The following ADPRHL1 variants were observed in gnomAD, a reference collection of about 807,000 sequenced individuals.
ADPRHL1 encodes inactive ADP-ribosyltransferase ARH2.
A neutral mutation model predicts 44.1 loss-of-function variants in ADPRHL1; 43 were observed. The observed-to-expected ratio is 0.98, with a 90% confidence interval of 0.76 to 1.26. The LOEUF (loss-of-function observed/expected upper bound fraction) is 1.26, where lower values mean the gene tolerates loss of function less well. ADPRHL1 is among the 50% of genes most tolerant of loss of function. ADPRHL1 has a pLI of 0.00. For synonymous variants in ADPRHL1, 878 were observed against 1,017.4 expected, an observed-to-expected ratio of 0.86 and a Z score of 2.61; for missense variants, 2,022 against 2,496.9, an observed-to-expected ratio of 0.81 and a Z score of 4.05.
At position 113,403,237 on chromosome 13, in the gene ADPRHL1, T is replaced by C. The variant is rs2043775924; in HGVS notation, c.*141A>G. 1.4e-6 allele frequency: 1 copy of C among 738,974 alleles called. No homozygotes were observed. Among genetic ancestry groups the C allele is most frequent in the African/African-American group, 1.8e-5 (1 of 54,586 alleles). The allele number at this position is 738,974 out of a possible 1,614,324, so 45.8% of individuals were successfully genotyped here. A position where few individuals can be genotyped will look rare whatever the true frequency, so the allele number is the denominator to read the frequency against. ...GCTCAATCCTCCCAAGGTCAGCTTG[T>C]GAAGAAGGGAAAGAAAATTATGGAA... On this transcript the variant is annotated 3_prime_UTR_variant, in exon 8 of 8. Coordinates refer to ENST00000612156, the MANE Select transcript of ADPRHL1 (RefSeq NM_001394807.1).
At position 113,405,646 on chromosome 13, in the gene ADPRHL1, C is replaced by T. The variant is rs77999287; in HGVS notation, c.3636G>A (p.Pro1212=). The T allele has an allele frequency of 7.2e-4, 888 of 1,232,672 alleles. 8 individuals carry two copies. In the African/African-American group the frequency reaches 0.012, roughly 17 times the overall value. 76.4% of individuals were successfully genotyped at this position (1,232,672 alleles called of 1,614,324 possible). The part of the protein sequence containing the change: ...PEDIATLARH[P]EDAAALARHP... ...GCCGGGCGAGGGCCGCAGCATCCTCCGGGTGGCGGGCGAGGGTCGCAATGT... is the reference window on the plus strand; with the variant it reads ...GCCGGGCGAGGGCCGCAGCATCCTCTGGGTGGCGGGCGAGGGTCGCAATGT... Residue 1212 remains proline (P), a synonymous_variant, in exon 8 of 8, where the codon CCG becomes CCA. Coordinates refer to ENST00000612156, the MANE Select transcript of ADPRHL1 (RefSeq NM_001394807.1).
intron 1 of ADPRHL1, among the ~76,000 whole-genome samples, chr13:113,451,797 GA>G (rs1379104325): frequency 6.7e-6 from 1 of 149,650 alleles, no homozygotes; most frequent in Non-Finnish European, 1.5e-5. Flanking sequence ...GATGGAGAAA[GA>G]CTCCGTCTCA....
At chr13:113,415,057 G>C (rs2043880287) in intron 7 of ADPRHL1, among the ~76,000 whole-genome samples, 1 of 152,178 alleles carries the variant, frequency 6.6e-6, no homozygotes. Context: ...CACCTCCCTA[G>C]GTAGCCAGCG....
rs577324011 is a variant in ADPRHL1, at chr13:113,428,828, C to T, written c.646+124G>A. 67 of 1,449,858 alleles carry T rather than the reference C, an allele frequency of 4.6e-5. No individual in the cohort carries two copies. The African/African-American group carries it at 5.5e-4, about 12-fold the overall frequency. The allele number at this position is 1,449,858 out of a possible 1,614,324, so 89.8% of individuals were successfully genotyped here. A position where few individuals can be genotyped will look rare whatever the true frequency, so the allele number is the denominator to read the frequency against. ...CGAGGCCAGCTCTGCTCACATGGCC[C>T]GGACAGGGCCCTCCCAGTTCCATCT... On this transcript the variant is annotated intron_variant, in intron 4 of 7. Transcript: ENST00000612156.
At chr13:113,410,890 T>C (rs2043847806) in intron 7 of ADPRHL1, among the ~76,000 whole-genome samples, 2 of 152,190 alleles carry the variant, frequency 1.3e-5, no homozygotes. Context: ...ACACGTCCCC[T>C]CTGCTATGAC....
chr13:113,426,096 T>G (rs945421812), intron 4 of ADPRHL1, among the ~76,000 whole-genome samples: 16 of 149,652 alleles, frequency 1.1e-4, no homozygotes, highest in African/African-American at 3.7e-4. Context: ...TCATTACTCC[T>G]AACTGAAATC....
Position 113,447,857 on chromosome 13 carries a change from C to G in ADPRHL1, c.215-3268G>C, listed in dbSNP as rs550454871. 2.0e-5 allele frequency among the ~76,000 whole-genome samples: 3 copies of G among 152,236 alleles called. No individual in the cohort carries two copies. The South Asian group carries it at 6.2e-4, about 32-fold the overall frequency. On this transcript the variant is annotated intron_variant, in intron 1 of 7. Coordinates refer to ENST00000612156, the MANE Select transcript of ADPRHL1 (RefSeq NM_001394807.1). Reference sequence around the variant, plus strand: ...GGCTGTGTCTAAACCCAGTGTGTGCCCCTCACAGTCACCGGCACAGTGGAT... The same window carrying G: ...GGCTGTGTCTAAACCCAGTGTGTGCGCCTCACAGTCACCGGCACAGTGGAT...
At position 113,436,886 on chromosome 13, in the gene ADPRHL1, T is replaced by C. The variant is rs7329534; in HGVS notation, c.380-3019A>G. 9.1e-4 allele frequency among the ~76,000 whole-genome samples: 121 copies of C among 132,488 alleles called. 4 individuals are homozygous for C. The highest frequency in any genetic ancestry group is 3.4e-3 in the African/African-American group (112 of 33,142). 86.9% of individuals were successfully genotyped at this position (132,488 alleles called of 152,430 possible). A position where few individuals can be genotyped will look rare whatever the true frequency, so the allele number is the denominator to read the frequency against. On this transcript the variant is annotated intron_variant, in intron 2 of 7. Coordinates refer to ENST00000612156, the MANE Select transcript of ADPRHL1 (RefSeq NM_001394807.1). ...CCGGCACCCAGGTGTAGAGTGAACA[T>C]AGGTGTACCCTGTGACCCAGCACCC... is the stretch of plus-strand genomic sequence containing the variant.
Position 113,408,352 on chromosome 13 carries a change from G to A in ADPRHL1, c.1062-132C>T, listed in dbSNP as rs1438027444. On this transcript the variant is annotated intron_variant, in intron 7 of 7. Coordinates refer to ENST00000612156, the MANE Select transcript of ADPRHL1 (RefSeq NM_001394807.1). ...GTCTGGTAGGGAGAAAAAGAGATTA[G>A]GAGCCAGGAGCTGTGGCTTCTGGGC... 3 of 949,488 alleles carry A rather than the reference G, an allele frequency of 3.2e-6. No individual in the cohort carries two copies. In the African/African-American group the frequency reaches 5.1e-5, roughly 16 times the overall value. 58.8% of individuals were successfully genotyped at this position (949,488 alleles called of 1,614,324 possible).
chr13:113,427,637 C>T (rs988250106), intron 4 of ADPRHL1, among the ~76,000 whole-genome samples: 8 of 152,108 alleles, frequency 5.3e-5, no homozygotes, highest in East Asian at 3.9e-4. Context: ...CATCTCCCAC[C>T]GCTCCCACAC....
chr13:113,427,756 C>T (rs1394036671), intron 4 of ADPRHL1, among the ~76,000 whole-genome samples: 1 of 152,234 alleles, frequency 6.6e-6, no homozygotes, highest in Non-Finnish European at 1.5e-5. Context: ...GAGCACAGAG[C>T]AGTGGCTCAA....
intron 3 of ADPRHL1, among the ~76,000 whole-genome samples, chr13:113,429,902 A>T (rs377594582): frequency 6.6e-4 from 100 of 152,362 alleles, no homozygotes; most frequent in African/African-American, 2.2e-3. Context: ...GGTATGTCAA[A>T]TTTTACAACT....
intron 7 of ADPRHL1, 72 bp downstream of exon 7, chr13:113,422,754 G>T: frequency 6.3e-7 from 1 of 1,580,842 alleles, no homozygotes; most frequent in Admixed American, 1.8e-5. Context: ...TCACCCAGGG[G>T]CTGCGAGAGG....
chr13:113,401,811 C>T lies in ADPRHL1; in HGVS notation c.*1567G>A, dbSNP rs967687596. The T allele has an allele frequency of 6.6e-6, 1 of 152,288 alleles. No homozygotes were observed. The highest frequency in any genetic ancestry group is 2.4e-5 in the African/African-American group (1 of 41,472). The allele number at this position is 152,288 out of a possible 1,614,324, so 9.4% of individuals were successfully genotyped here. A position where few individuals can be genotyped will look rare whatever the true frequency, so the allele number is the denominator to read the frequency against. ...CGCTCCCCGGAGCATGACGCCACGC[C>T]GCCTCCTTGGCGCTGCAGAGCCAAA... On this transcript the variant is annotated 3_prime_UTR_variant, in exon 8 of 8. Transcript: ENST00000612156. The surrounding 1 kb of genome is among the most constrained non-coding windows in gnomAD (Gnocchi z 5.5).
At chr13:113,428,788 A>G (rs772237799) in intron 4 of ADPRHL1, among the ~76,000 whole-genome samples, 164 bp downstream of exon 4, 28 of 152,250 alleles carry the variant, frequency 1.8e-4, no homozygotes, top group Admixed American at 1.0e-3. Context: ...CAGGAGCAGC[A>G]TGGGGCCTGC....
At chr13:113,413,984 C>T (rs553608146) in intron 7 of ADPRHL1, among the ~76,000 whole-genome samples, 1 of 152,382 alleles carries the variant, frequency 6.6e-6, no homozygotes, top group East Asian at 1.9e-4. Flanking sequence ...ATGATATGGA[C>T]AGCAGCCCCT....
intron 1 of ADPRHL1, 139 bp from the exon 2 acceptor site, chr13:113,444,728 T>C: frequency 3.9e-6 from 4 of 1,018,028 alleles, no homozygotes; most frequent in East Asian, 2.5e-5. Context: ...GTTCACTCCG[T>C]TCTCCTGCCT....
chr13:113,418,273 C>G (rs976542570), intron 7 of ADPRHL1, among the ~76,000 whole-genome samples: 2 of 152,170 alleles, frequency 1.3e-5, no homozygotes, highest in African/African-American at 4.8e-5. Context: ...AAATAACATT[C>G]AAATGCCACC....
At chr13:113,417,499 TTGTC>T (rs2043892699) in intron 7 of ADPRHL1, among the ~76,000 whole-genome samples, 2 of 152,044 alleles carry the variant, frequency 1.3e-5, no homozygotes, top group Non-Finnish European at 1.5e-5. Flanking sequence ...GTCCCTGCCT[TTGTC>T]TGTCTGTCCC....
Sources: gnomAD v4.1 joint callset for allele counts (sites outside exome capture counted in the v4.1 genomes callset) on GRCh38, gnomAD v4.1.1 for gene constraint, Gnocchi (gnomAD v3.1) non-coding constraint, MANE v1.5 for transcripts, NCBI Gene and HGNC (gene_info 2026-07-23, HGNC 2026-07-21) for gene names.